XCR1: variants seen among roughly 807,000 people sequenced by gnomAD.
XCR1 encodes X-C motif chemokine receptor 1, also known as chemokine XC receptor 1.
For synonymous variants in XCR1, 187 were observed against 188.5 expected, an observed-to-expected ratio of 0.99 and a Z score of 0.06; for missense variants, 356 against 424.2, an observed-to-expected ratio of 0.84 and a Z score of 1.41.
intron 5 of XCR1, among the ~76,000 whole-genome samples, chr3:46,051,314 A>G (rs1210659521): frequency 6.6e-6 from 1 of 152,336 alleles, no homozygotes; most frequent in East Asian, 1.9e-4. Flanking sequence ...TCTTGACCCC[A>G]TAAATTGATA....
At chr3:46,023,193 G>C in intron 1 of XCR1, 2 of 468,242 alleles carry the variant, frequency 4.3e-6, no homozygotes, top group Non-Finnish European at 7.5e-6. Context: ...AGAGATTGTT[G>C]CTCCCTCTGC....
chr3:46,032,851 A>G (rs892018385), intron 5 of XCR1, among the ~76,000 whole-genome samples: 4 of 152,196 alleles, frequency 2.6e-5, no homozygotes, highest in African/African-American at 9.6e-5. Context: ...CCTCATTGAC[A>G]TTTTAATTTG....
chr3:46,046,336 G>A (rs1341864670), intron 5 of XCR1, among the ~76,000 whole-genome samples: 2 of 152,194 alleles, frequency 1.3e-5, no homozygotes, highest in African/African-American at 4.8e-5. Flanking sequence ...GAAGGGTGGC[G>A]TGGAAAAGGG....
At chr3:46,068,641 C>T (rs937692292) in intron 3 of XCR1, among the ~76,000 whole-genome samples, 5 of 152,046 alleles carry the variant, frequency 3.3e-5, no homozygotes, top group Non-Finnish European at 7.4e-5. Flanking sequence ...TTAAAGATGC[C>T]GAGCCAACCT....
intron 1 of XCR1, among the ~76,000 whole-genome samples, chr3:46,022,784 G>A (rs968186466): frequency 1.3e-5 from 2 of 152,180 alleles, no homozygotes; most frequent in Non-Finnish European, 2.9e-5. Context: ...ACATAACAAT[G>A]TTTAGGACAC....
intron 4 of XCR1, among the ~76,000 whole-genome samples, chr3:46,059,766 G>A (rs905980324): frequency 7.2e-5 from 11 of 152,288 alleles, no homozygotes; most frequent in Admixed American, 4.6e-4. Context: ...TTATTGAGGT[G>A]TGTGTAAATA....
At chr3:46,023,638 C>G (rs1274715667) in intron 1 of XCR1, 24 of 1,365,962 alleles carry the variant, frequency 1.8e-5, no homozygotes, top group Middle Eastern at 4.8e-4. Flanking sequence ...CCAGAGCCCC[C>G]TTTCTCAGAA....
chr3:46,051,018 C>T (rs915546303), intron 5 of XCR1, among the ~76,000 whole-genome samples: 4 of 152,146 alleles, frequency 2.6e-5, no homozygotes, highest in Admixed American at 6.5e-5. Flanking sequence ...GTTGATCTAG[C>T]TTCTCCTGTG....
intron 5 of XCR1, among the ~76,000 whole-genome samples, chr3:46,035,067 G>A (rs547055126): frequency 2.0e-5 from 3 of 151,982 alleles, no homozygotes; most frequent in African/African-American, 4.8e-5. Context: ...TGATTCTCCC[G>A]CCTCAGCCTC....
intron 4 of XCR1, among the ~76,000 whole-genome samples, chr3:46,065,067 G>T (rs375665433): frequency 2.0e-5 from 3 of 151,586 alleles, no homozygotes; most frequent in Non-Finnish European, 4.4e-5. Flanking sequence ...CTCCAGCCTG[G>T]GCAACAAGAG....
intron 4 of XCR1, among the ~76,000 whole-genome samples, chr3:46,056,046 T>C (rs1697844046): frequency 6.6e-6 from 1 of 152,136 alleles, no homozygotes; most frequent in Non-Finnish European, 1.5e-5. Context: ...GTTTCCAAGA[T>C]TGGGCTTGGG....
intron 1 of XCR1, among the ~76,000 whole-genome samples, chr3:46,078,940 TA>T (rs1698309120): frequency 6.6e-6 from 1 of 152,178 alleles, no homozygotes; most frequent in Non-Finnish European, 1.5e-5. Context: ...TGCATGGGCA[TA>T]AAATACGGGA....
At chr3:46,022,818 A>C (rs1708184367) in intron 1 of XCR1, among the ~76,000 whole-genome samples, 1 of 152,246 alleles carries the variant, frequency 6.6e-6, no homozygotes, top group Non-Finnish European at 1.5e-5. Flanking sequence ...TCAGCATATA[A>C]AGAAATAGGA....
rs1708092893 is a variant in XCR1, at chr3:46,018,967, C to T, written c.*1979G>A. ...TGGGAAGCTTTTCCAAATCCCCACGCCAGAGCCAAATCAGGTTCACAGATT... is the reference window on the plus strand; with the variant it reads ...TGGGAAGCTTTTCCAAATCCCCACGTCAGAGCCAAATCAGGTTCACAGATT... On this transcript the variant is annotated 3_prime_UTR_variant, in exon 2 of 2. Coordinates refer to ENST00000309285, the MANE Select transcript of XCR1 (RefSeq NM_001024644.2). 1 of 145,560 alleles carries T rather than the reference C, an allele frequency of 6.9e-6. No individual in the cohort carries two copies. The highest frequency in any genetic ancestry group is 6.8e-5 in the Admixed American group (1 of 14,666). 9.0% of individuals were successfully genotyped at this position (145,560 alleles called of 1,614,324 possible). A position where few individuals can be genotyped will look rare whatever the true frequency, so the allele number is the denominator to read the frequency against.
Position 46,021,604 on chromosome 3 carries a change from C to T in XCR1, c.344G>A (p.Ser115Asn). 1 of 1,612,948 alleles carries T rather than the reference C, an allele frequency of 6.2e-7. No homozygotes were observed. Among genetic ancestry groups the T allele is most frequent in the Non-Finnish European group, 8.5e-7 (1 of 1,179,450 alleles). Reference sequence around the variant, plus strand: ...CATGATGGTCAGGAAGAAGATGCTGCTGTAGAGGCTGATGGAGAAGATCAT... The same window carrying T: ...CATGATGGTCAGGAAGAAGATGCTGTTGTAGAGGCTGATGGAGAAGATCAT... ...LNMIFSISLYSSIFFLTIMTI... is the reference protein window; with the variant it reads ...LNMIFSISLYNSIFFLTIMTI... Residue 115 changes from serine to asparagine, a missense_variant, in exon 2 of 2, where the codon AGC (serine) becomes AAC (asparagine). Physicochemically the swap from Ser to Asn is conservative, Grantham distance 46 (BLOSUM62 1). Transcript: ENST00000309285. The surrounding 1 kb of genome is among the most constrained non-coding windows in gnomAD (Gnocchi z 4.7).
At chr3:46,075,445 A>T (rs773698204) in intron 2 of XCR1, among the ~76,000 whole-genome samples, 21 of 152,130 alleles carry the variant, frequency 1.4e-4, no homozygotes, top group Admixed American at 5.2e-4. Context: ...CTTTAAGAAG[A>T]AAACATAAGA....
intron 1 of XCR1, among the ~76,000 whole-genome samples, chr3:46,083,901 A>G (rs1444119970): frequency 6.6e-6 from 1 of 152,254 alleles, no homozygotes; most frequent in South Asian, 2.1e-4. Context: ...GGAGGTTTTT[A>G]GTTGACTCTT....
intron 1 of XCR1, 52 bp from the exon 2 acceptor site, chr3:46,022,030 G>T: frequency 6.8e-7 from 1 of 1,465,444 alleles, no homozygotes; most frequent in East Asian, 2.3e-5. Context: ...TGGGTACAGT[G>T]GCTAACACCT....
At chr3:46,030,058 G>T (rs6780163), upstream of XCR1, among the ~76,000 whole-genome samples, 39,955 of 116,456 alleles carry the variant, frequency 0.34, 7,870 homozygotes, top group African/African-American at 0.61. Flanking sequence ...TTTTGTTTTT[G>T]TTTTTTTGGT....
Sources: allele counts gnomAD v4.1 joint callset (sites outside exome capture counted in the v4.1 genomes callset), GRCh38; gene constraint gnomAD v4.1.1; non-coding constraint Gnocchi (gnomAD v3.1); transcripts MANE v1.5; gene names NCBI Gene and HGNC (gene_info 2026-07-23, HGNC 2026-07-21).